Variants in DAB1 observed in about 807,000 individuals in gnomAD.
DAB1 encodes disabled homolog 1.
In DAB1, 15 loss-of-function variants were observed where a neutral mutation model predicts 64.6. That is an observed-to-expected ratio of 0.23 (90% CI 0.16 to 0.36). DAB1 has a LOEUF of 0.36. DAB1 is among the 10% of genes least tolerant of loss of function. The pLI, the probability that DAB1 is intolerant of heterozygous loss-of-function variation, is 1.00. For synonymous variants in DAB1, 235 were observed against 251.9 expected, an observed-to-expected ratio of 0.93 and a Z score of 0.64; for missense variants, 596 against 706.7, an observed-to-expected ratio of 0.84 and a Z score of 1.78.
chr1:57,984,260 G>GAAAAAAAAA (rs869201141), intron 5 of DAB1, among the ~76,000 whole-genome samples: 1 of 134,156 alleles, frequency 7.5e-6, no homozygotes, highest in African/African-American at 2.8e-5. Context: ...AAGAAAGAAA[G>GAAAAAAAAA]AAAAAAAATT....
intron 3 of DAB1, among the ~76,000 whole-genome samples, chr1:58,429,989 T>C (rs72669851): frequency 0.15 from 22,776 of 152,164 alleles, 2,179 homozygotes; most frequent in Non-Finnish European, 0.21. Flanking sequence ...CAATGTCACA[T>C]CACATGGCAG....
At chr1:58,221,774 T>C (rs1051840037) in intron 4 of DAB1, among the ~76,000 whole-genome samples, 2 of 152,214 alleles carry the variant, frequency 1.3e-5, no homozygotes, top group East Asian at 1.9e-4. Flanking sequence ...TCTGTGCCAA[T>C]GATGGCCAGG....
chr1:57,563,859 G>C (rs1441804974), intron 7 of DAB1, among the ~76,000 whole-genome samples: 1 of 152,208 alleles, frequency 6.6e-6, no homozygotes, highest in East Asian at 1.9e-4. Flanking sequence ...CTCCATCTCT[G>C]GGGGCAGGGC....
At chr1:58,208,622 T>C (rs1382011197) in intron 4 of DAB1, among the ~76,000 whole-genome samples, 1 of 152,190 alleles carries the variant, frequency 6.6e-6, no homozygotes, top group Admixed American at 6.5e-5. Context: ...ATGCCATTAT[T>C]TCATTCCTTT....
intron 4 of DAB1, among the ~76,000 whole-genome samples, chr1:58,316,850 T>C (rs1352882556): frequency 6.6e-6 from 1 of 152,218 alleles, no homozygotes; most frequent in East Asian, 1.9e-4. Context: ...ACAGCATTTG[T>C]AAATGAATGA....
intron 2 of DAB1, among the ~76,000 whole-genome samples, chr1:57,255,520 T>C (rs1306700271): frequency 1.3e-5 from 2 of 151,986 alleles, no homozygotes; most frequent in African/African-American, 4.8e-5. Flanking sequence ...ATTAGCTGGA[T>C]GTGGTGATGC....
At chr1:57,812,493 G>T (rs2101886300) in intron 6 of DAB1, among the ~76,000 whole-genome samples, 1 of 152,234 alleles carries the variant, frequency 6.6e-6, no homozygotes, top group South Asian at 2.1e-4. Context: ...GGAGGCGAAG[G>T]AAGGGGAGGC....
intron 4 of DAB1, among the ~76,000 whole-genome samples, chr1:58,172,911 G>T (rs1185988742): frequency 6.6e-6 from 1 of 152,252 alleles, no homozygotes; most frequent in Non-Finnish European, 1.5e-5. Flanking sequence ...TGGAAAGAAA[G>T]GGAGTTCCTA....
intron 2 of DAB1, among the ~76,000 whole-genome samples, chr1:57,270,351 G>T (rs546332014): frequency 6.6e-6 from 1 of 152,162 alleles, no homozygotes; most frequent in Non-Finnish European, 1.5e-5. Context: ...TGAGATGTGG[G>T]TATCAAACAA....
intron 3 of DAB1, among the ~76,000 whole-genome samples, chr1:58,498,327 T>C (rs1645840171): frequency 6.6e-6 from 1 of 152,174 alleles, no homozygotes; most frequent in Non-Finnish European, 1.5e-5. Context: ...ATTTTACAAC[T>C]GTTTTTAGTT....
intron 3 of DAB1, among the ~76,000 whole-genome samples, chr1:58,499,542 A>T (rs930846910): frequency 6.6e-5 from 10 of 151,294 alleles, no homozygotes; most frequent in Admixed American, 2.0e-4. Context: ...AAAAGTATAA[A>T]CTTTCAGTCA....
At chr1:57,723,806 G>T (rs1043274315) in intron 6 of DAB1, among the ~76,000 whole-genome samples, 1 of 152,160 alleles carries the variant, frequency 6.6e-6, no homozygotes, top group Non-Finnish European at 1.5e-5. Context: ...TGTTAGGAAT[G>T]TTATTGATTG....
intron 2 of DAB1, among the ~76,000 whole-genome samples, chr1:57,148,947 T>C (rs1659404748): frequency 6.6e-6 from 1 of 152,202 alleles, no homozygotes. Flanking sequence ...CTATCTAATT[T>C]TGGAACATTT....
intron 7 of DAB1, among the ~76,000 whole-genome samples, chr1:57,470,490 T>C (rs187016374): frequency 5.3e-5 from 8 of 152,364 alleles, no homozygotes; most frequent in Non-Finnish European, 1.2e-4. Context: ...GTGATTATAT[T>C]GAAAGTATCT....
rs1570749202 is a variant in DAB1 at position 57,131,514 on chromosome 1, G to A, written c.306+5029C>T. ...CCCAGAGAACACCAGGTCCCAGTGTGACGTTCTGCAGCCTCCTCAGCTTTT... is the reference window on the plus strand; with the variant it reads ...CCCAGAGAACACCAGGTCCCAGTGTAACGTTCTGCAGCCTCCTCAGCTTTT... On this transcript the variant is annotated intron_variant, in intron 4 of 14. Coordinates refer to ENST00000371236, the MANE Select transcript of DAB1 (RefSeq NM_001365792.1). Among the ~76,000 whole-genome samples, 4 of 152,288 alleles carry A rather than the reference G, an allele frequency of 2.6e-5. No individual in the cohort carries two copies. The Middle Eastern group carries it at 0.014, about 518-fold the overall frequency.
At chr1:58,120,012 A>G (rs1195309497) in intron 5 of DAB1, among the ~76,000 whole-genome samples, 2 of 152,084 alleles carry the variant, frequency 1.3e-5, no homozygotes, top group African/African-American at 4.8e-5. Flanking sequence ...TGCCTTCCAA[A>G]TAGTTCTCTC....
intron 5 of DAB1, among the ~76,000 whole-genome samples, chr1:58,029,652 A>G (rs1646943531): frequency 6.6e-6 from 1 of 152,228 alleles, no homozygotes; most frequent in African/African-American, 2.4e-5. Flanking sequence ...CACAGACTTT[A>G]ACTGACTAAT....
intron 5 of DAB1, among the ~76,000 whole-genome samples, chr1:58,118,460 A>AT (rs1220921845): frequency 0.012 from 866 of 69,474 alleles, 41 homozygotes; most frequent in African/African-American, 0.049. Flanking sequence ...GCCAGGCACT[A>AT]TCCTAAGGCA....
At chr1:58,283,414 C>T (rs1661611154) in intron 4 of DAB1, among the ~76,000 whole-genome samples, 1 of 152,172 alleles carries the variant, frequency 6.6e-6, no homozygotes, top group Non-Finnish European at 1.5e-5. Flanking sequence ...GGACCTGTCT[C>T]TGTCCCCATA....
Sources: gnomAD v4.1 joint callset for allele counts (sites outside exome capture counted in the v4.1 genomes callset) on GRCh38, gnomAD v4.1.1 for gene constraint, MANE v1.5 for transcripts, NCBI Gene and HGNC (gene_info 2026-07-23, HGNC 2026-07-21) for gene names.